GOLPH3: variants seen among roughly 807,000 people sequenced by gnomAD.
The protein encoded by GOLPH3 is golgi phosphoprotein 3.
Under a neutral mutation model 28.5 loss-of-function variants are expected in GOLPH3, and 14 were observed. The observed-to-expected ratio is 0.49, with a 90% CI of 0.32 to 0.77. The LOEUF is 0.77. Ranked by LOEUF, GOLPH3 falls within the 30% of genes least tolerant of loss-of-function variation. GOLPH3 has a pLI of 0.03. For missense variants in GOLPH3, 350 were observed against 393.7 expected, an observed-to-expected ratio of 0.89 and a Z score of 0.94; for synonymous variants, 158 against 159.2, an observed-to-expected ratio of 0.99 and a Z score of 0.06.
At chr5:32,169,093 G>A (rs1189831924) in intron 1 of GOLPH3, among the ~76,000 whole-genome samples, 1 of 152,032 alleles carries the variant, frequency 6.6e-6, no homozygotes, top group Non-Finnish European at 1.5e-5. Context: ...GAGCCATGTG[G>A]TGAAATCCCT....
chr5:32,156,789 G>A (rs908166143), intron 1 of GOLPH3, among the ~76,000 whole-genome samples: 2 of 152,196 alleles, frequency 1.3e-5, no homozygotes, highest in African/African-American at 4.8e-5. Context: ...AGGAGGCGGA[G>A]CTCAGGCAGT....
chr5:32,142,825 TG>T (rs527340501), intron 2 of GOLPH3, among the ~76,000 whole-genome samples: 10 of 80,790 alleles, frequency 1.2e-4, no homozygotes, highest in South Asian at 8.7e-4. Context: ...AGGAGGGAGG[TG>T]GGGGGGGTCA....
intron 1 of GOLPH3, among the ~76,000 whole-genome samples, chr5:32,155,104 A>AAAAAAAAAG (rs1746390601): frequency 6.6e-6 from 1 of 152,026 alleles, no homozygotes; most frequent in African/African-American, 2.4e-5. Context: ...GTCTCAAAAA[A>AAAAAAAAAG]AAAAAAAAAT....
At chr5:32,153,928 G>T (rs1438922034) in intron 1 of GOLPH3, among the ~76,000 whole-genome samples, 3 of 152,188 alleles carry the variant, frequency 2.0e-5, no homozygotes, top group Non-Finnish European at 2.9e-5. Context: ...AGGAATGACT[G>T]ATTATAAGTC....
intron 1 of GOLPH3, among the ~76,000 whole-genome samples, chr5:32,147,217 AC>A (rs144432916): frequency 0.01 from 1,514 of 147,970 alleles, 25 homozygotes; most frequent in African/African-American, 0.034. Flanking sequence ...AAACACAAAA[AC>A]AATCTAAAAG....
intron 1 of GOLPH3, among the ~76,000 whole-genome samples, chr5:32,162,984 A>G (rs1245417482): frequency 6.6e-6 from 1 of 152,180 alleles, no homozygotes; most frequent in African/African-American, 2.4e-5. Flanking sequence ...AGGCTGAGGC[A>G]GGAGAATGGC....
chr5:32,164,655 A>G (rs1746666522), intron 1 of GOLPH3, among the ~76,000 whole-genome samples: 1 of 151,978 alleles, frequency 6.6e-6, no homozygotes, highest in East Asian at 1.9e-4. Flanking sequence ...CTCAACTCCC[A>G]AAGTGTTGGG....
chr5:32,144,194 T>C (rs1358072237), intron 1 of GOLPH3, among the ~76,000 whole-genome samples: 1 of 152,232 alleles, frequency 6.6e-6, no homozygotes, highest in Non-Finnish European at 1.5e-5. Context: ...CTCCAAGGAA[T>C]ACTCAGTTAA....
At chr5:32,139,379 G>T (rs963768906) in intron 2 of GOLPH3, among the ~76,000 whole-genome samples, 1 of 152,140 alleles carries the variant, frequency 6.6e-6, no homozygotes. Flanking sequence ...GATATTTGAG[G>T]GGAGTCCTAG....
rs181038120 is a variant in GOLPH3, at chr5:32,159,840, A to G, written c.225+13970T>C. On this transcript the variant is annotated intron_variant, in intron 1 of 3. Coordinates refer to ENST00000265070, the MANE Select transcript of GOLPH3 (RefSeq NM_022130.4). ...AGAAATATGACTACATTCACACTCT[A>G]GAGCAGTGATACCTCGAGCCCCAGA... is the stretch of plus-strand genomic sequence containing the variant. Among the ~76,000 whole-genome samples, 7 of 152,356 alleles carry G rather than the reference A, an allele frequency of 4.6e-5. No individual in the cohort carries two copies. In the East Asian group the frequency reaches 1.3e-3, roughly 29 times the overall value.
intron 1 of GOLPH3, among the ~76,000 whole-genome samples, chr5:32,148,226 CTA>C (rs929996670): frequency 1.2e-4 from 19 of 152,124 alleles, no homozygotes; most frequent in African/African-American, 4.6e-4. Context: ...ACGTCCGTTT[CTA>C]TATATTACTT....
chr5:32,141,695 C>T (rs2111853246), intron 2 of GOLPH3, among the ~76,000 whole-genome samples: 1 of 152,346 alleles, frequency 6.6e-6, no homozygotes, highest in African/African-American at 2.4e-5. Context: ...TCACTGCAAC[C>T]TCCCTGCCTG....
chr5:32,171,118 ATCT>A (rs1746824498), intron 1 of GOLPH3, among the ~76,000 whole-genome samples: 1 of 152,216 alleles, frequency 6.6e-6, no homozygotes, highest in South Asian at 2.1e-4. Flanking sequence ...TATTTAGATT[ATCT>A]TCTTAAGACC....
chr5:32,153,903 A>C (rs1746362603), intron 1 of GOLPH3, among the ~76,000 whole-genome samples: 1 of 152,320 alleles, frequency 6.6e-6, no homozygotes, highest in South Asian at 2.1e-4. Context: ...CCAGATGGAA[A>C]ACAGGATTCC....
intron 1 of GOLPH3, among the ~76,000 whole-genome samples, chr5:32,162,410 T>C (rs548250671): frequency 1.3e-5 from 2 of 150,714 alleles, no homozygotes; most frequent in East Asian, 3.9e-4. Flanking sequence ...GAGAATGGCA[T>C]GAACCCGGGA....
intron 1 of GOLPH3, among the ~76,000 whole-genome samples, chr5:32,166,676 C>T (rs924737407): frequency 2.0e-5 from 3 of 151,992 alleles, no homozygotes; most frequent in African/African-American, 7.2e-5. Flanking sequence ...GGCATGGTGG[C>T]AGGCGCCTGT....
In GOLPH3 at chr5:32,143,711, ACCTCTTTAAAAAGAATGTTACTCAGCACT is replaced by A. The variant is rs1329894774; in HGVS notation, c.357+9_357+37del. Reference sequence around the variant, plus strand: ...AAAAACATACATTTTAAGCAGTACAACCTCTTTAAAAAGAATGTTACTCAGCACTCCTCTTACCTTTCTTGTTAATAGAC... The same window carrying A: ...AAAAACATACATTTTAAGCAGTACAACCTCTTACCTTTCTTGTTAATAGAC... On this transcript the variant is annotated intron_variant, in intron 2 of 3. Coordinates refer to ENST00000265070, the MANE Select transcript of GOLPH3 (RefSeq NM_022130.4). 1 of 1,567,234 alleles carries A rather than the reference ACCTCTTTAAAAAGAATGTTACTCAGCACT, an allele frequency of 6.4e-7. No individual in the cohort carries two copies. The highest frequency in any genetic ancestry group is 8.7e-7 in the Non-Finnish European group (1 of 1,154,916).
intron 2 of GOLPH3, among the ~76,000 whole-genome samples, chr5:32,139,293 G>A (rs999367428): frequency 6.6e-6 from 1 of 152,210 alleles, no homozygotes; most frequent in Non-Finnish European, 1.5e-5. Flanking sequence ...GTGACATAAA[G>A]TATAGAAGAG....
intron 1 of GOLPH3, among the ~76,000 whole-genome samples, chr5:32,158,007 AAATAAAT>A (rs1251592946): frequency 4.5e-4 from 42 of 93,828 alleles, no homozygotes; most frequent in African/African-American, 8.2e-4. Flanking sequence ...ATAAATAAAT[AAATAAAT>A]AAATAAAATA....
Sources: gnomAD v4.1 joint callset for allele counts (sites outside exome capture counted in the v4.1 genomes callset) on GRCh38, gnomAD v4.1.1 for gene constraint, MANE v1.5 for transcripts, NCBI Gene and HGNC (gene_info 2026-07-23, HGNC 2026-07-21) for gene names.